Variants in CREB3L2 observed in about 807,000 individuals in gnomAD.
CREB3L2 encodes the protein cAMP responsive element binding protein 3 like 2, also known as cyclic AMP-responsive element-binding protein 3-like protein 2.
CREB3L2 carries 23 observed loss-of-function variants against 57.2 expected under a neutral mutation model. The ratio of observed to expected loss-of-function variants is 0.40; its 90% CI spans 0.29 to 0.57. The LOEUF (loss-of-function observed/expected upper bound fraction) is 0.57, where lower values mean the gene tolerates loss of function less well. Among genes scored for constraint, CREB3L2 ranks in the 20% least tolerant of loss-of-function variants. The pLI, the probability that CREB3L2 is intolerant of heterozygous loss-of-function variation, is 0.42. For missense variants in CREB3L2, 628 were observed against 634.7 expected (o/e 0.99, Z 0.11); for synonymous variants, 268 against 265.1 (o/e 1.01, Z -0.11).
In CREB3L2 at chr7:137,909,153, G is replaced by A. The variant is rs558966277; in HGVS notation, c.584-717C>T. Among the ~76,000 whole-genome samples the A allele has an allele frequency of 3.3e-5, 5 of 152,336 alleles. No homozygotes were observed. In the South Asian group the frequency reaches 6.2e-4, roughly 19 times the overall value. On this transcript the variant is annotated intron_variant, in intron 4 of 11. Coordinates refer to ENST00000330387, the MANE Select transcript of CREB3L2 (RefSeq NM_194071.4). ...AGCCGGTTTGTTTCTGGAGCAATGT[G>A]CGTGGTCATGCCCGCAGGCAAGACG...
intron 1 of CREB3L2, among the ~76,000 whole-genome samples, chr7:137,931,295 G>A (rs941351008): frequency 2.0e-5 from 3 of 151,958 alleles, no homozygotes; most frequent in African/African-American, 7.3e-5. Flanking sequence ...GGCTGAGATG[G>A]GCGGATCATG....
chr7:137,941,651 A>C (rs980684657), intron 1 of CREB3L2, among the ~76,000 whole-genome samples: 17 of 152,198 alleles, frequency 1.1e-4, no homozygotes, highest in Non-Finnish European at 2.2e-4. Context: ...CATTCCAATC[A>C]CATTTCTAGA....
At chr7:137,949,446 A>G (rs1468192769) in intron 1 of CREB3L2, among the ~76,000 whole-genome samples, 3 of 152,238 alleles carry the variant, frequency 2.0e-5, no homozygotes, top group Non-Finnish European at 2.9e-5. Flanking sequence ...TTGTTTCTCC[A>G]GTAATTCAAA....
intron 7 of CREB3L2, 79 bp from the exon 8 acceptor site, chr7:137,901,501 G>T: frequency 1.1e-6 from 1 of 884,576 alleles, no homozygotes. Context: ...AGGTAGGTGG[G>T]GATGAGGAAA....
chr7:137,921,288 T>C (rs767487685), intron 2 of CREB3L2, among the ~76,000 whole-genome samples: 1 of 152,226 alleles, frequency 6.6e-6, no homozygotes, highest in African/African-American at 2.4e-5. Flanking sequence ...AACCCCCATA[T>C]CAGCTGATTT....
intron 1 of CREB3L2, among the ~76,000 whole-genome samples, chr7:137,938,024 A>T (rs1379644388): frequency 6.6e-6 from 1 of 152,166 alleles, no homozygotes; most frequent in Admixed American, 6.6e-5. Flanking sequence ...CCCTGGGAGA[A>T]GGAGGAATAA....
At chr7:137,934,124 T>C (rs1436932387) in intron 1 of CREB3L2, among the ~76,000 whole-genome samples, 1 of 152,242 alleles carries the variant, frequency 6.6e-6, no homozygotes, top group African/African-American at 2.4e-5. Context: ...GTTTACAAAA[T>C]AATTTCATAA....
intron 2 of CREB3L2, among the ~76,000 whole-genome samples, chr7:137,917,964 A>T (rs192412169): frequency 6.6e-6 from 1 of 151,988 alleles, no homozygotes; most frequent in Non-Finnish European, 1.5e-5. Flanking sequence ...CGGCCAGAGG[A>T]GGGAGACCAC....
In CREB3L2 at chr7:137,916,029, A is replaced by G. The variant is rs1216080131; in HGVS notation, c.320-17T>C. 6.2e-7 allele frequency: 1 copy of G among 1,607,674 alleles called. No homozygotes were observed. The highest frequency in any genetic ancestry group is 1.1e-5 in the South Asian group (1 of 90,000). On this transcript the variant is annotated splice_polypyrimidine_tract_variant and intron_variant, in intron 2 of 11. Transcript: ENST00000330387. ...CCACCTCATCTGCAGGAAAAAAGAC[A>G]AGCACACATGTGAACTTGTTCAGGG...
At chr7:137,928,000 C>T (rs1800514456) in intron 2 of CREB3L2, 150 bp downstream of exon 2, 6 of 712,462 alleles carry the variant, frequency 8.4e-6, no homozygotes, top group Non-Finnish European at 1.2e-5. Context: ...TTTGCTTTTC[C>T]CCACAGCCCA....
At chr7:137,940,341 C>A (rs1800861372) in intron 1 of CREB3L2, among the ~76,000 whole-genome samples, 1 of 152,202 alleles carries the variant, frequency 6.6e-6, no homozygotes, top group Admixed American at 6.5e-5. Flanking sequence ...TTCCTACACT[C>A]TTGCATCCTA....
chr7:137,949,845 T>A (rs1345340169), intron 1 of CREB3L2, among the ~76,000 whole-genome samples: 1 of 152,140 alleles, frequency 6.6e-6, no homozygotes, highest in Admixed American at 6.5e-5. Context: ...TTATTGAGAG[T>A]GATCAACTCC....
chr7:137,933,165 G>T (rs919689472), intron 1 of CREB3L2, among the ~76,000 whole-genome samples: 1 of 152,238 alleles, frequency 6.6e-6, no homozygotes, highest in Admixed American at 6.5e-5. Context: ...GTTTGACAGA[G>T]ATCCTTTGAA....
rs565137814 is a variant in CREB3L2 at position 137,878,767 on chromosome 7, G to C, written c.*1709C>G. 1 of 245,726 alleles carries C rather than the reference G, an allele frequency of 4.1e-6. No homozygotes were observed. Among genetic ancestry groups the C allele is most frequent in the South Asian group, 1.4e-4 (1 of 7,254 alleles). The allele number at this position is 245,726 out of a possible 1,614,324, so 15.2% of individuals were successfully genotyped here. On this transcript the variant is annotated 3_prime_UTR_variant, in exon 12 of 12. Transcript: ENST00000330387. ...TCACAGGGAGCCCCAAATGGGCCTA[G>C]ACAGACAAGGCAGGGACCGACTTAT...
At chr7:137,887,261 A>G (rs1485939583) in intron 8 of CREB3L2, among the ~76,000 whole-genome samples, 1 of 152,206 alleles carries the variant, frequency 6.6e-6, no homozygotes, top group Non-Finnish European at 1.5e-5. Flanking sequence ...CTTCACCCCC[A>G]GCTAGTACCA....
At position 137,985,679 on chromosome 7, in the gene CREB3L2, C is replaced by T. The variant is rs115141311; in HGVS notation, c.102+15925G>A. Among the ~76,000 whole-genome samples, 18 of 152,222 alleles carry T rather than the reference C, an allele frequency of 1.2e-4. No individual in the cohort carries two copies. The South Asian group carries it at 3.3e-3, about 28-fold the overall frequency. ...GAAATGACAGGGACATGGAACAAGC[C>T]GTCCCCTTCTTGTCTTCCCTCTTGT... On this transcript the variant is annotated intron_variant, in intron 1 of 11. Transcript: ENST00000330387.
Position 137,999,379 on chromosome 7 carries a change from T to TACACACACACACACACAC in CREB3L2, c.102+2207_102+2224dup, listed in dbSNP as rs60762009. Among the ~76,000 whole-genome samples, 46 of 142,422 alleles carry TACACACACACACACACAC rather than the reference T, an allele frequency of 3.2e-4. 1 individual carries two copies. Among genetic ancestry groups the TACACACACACACACACAC allele is most frequent in the Admixed American group, 9.2e-4 (13 of 14,180 alleles). 93.4% of individuals were successfully genotyped at this position (142,422 alleles called of 152,430 possible). ...ATAATGTTTATTGTTTATGTTCCCC[T>TACACACACACACACACAC]ACACACACACACACACACACACACA... On this transcript the variant is annotated intron_variant, in intron 1 of 11. Coordinates refer to ENST00000330387, the MANE Select transcript of CREB3L2 (RefSeq NM_194071.4).
At chr7:137,960,209 G>T (rs9691292) in intron 1 of CREB3L2, among the ~76,000 whole-genome samples, 16,202 of 152,188 alleles carry the variant, frequency 0.11, 1,112 homozygotes, top group Admixed American at 0.24. Flanking sequence ...AGAACATGTG[G>T]TTTGCATGTG....
intron 2 of CREB3L2, among the ~76,000 whole-genome samples, chr7:137,926,754 AAAG>A (rs2051590285): frequency 1.3e-5 from 2 of 152,234 alleles, no homozygotes; most frequent in Admixed American, 6.5e-5. Flanking sequence ...ATCCTCCTGT[AAAG>A]AAGAAGGCAT....
Sources: gnomAD v4.1 joint callset for allele counts (sites outside exome capture counted in the v4.1 genomes callset) on GRCh38, gnomAD v4.1.1 for gene constraint, MANE v1.5 for transcripts, NCBI Gene and HGNC (gene_info 2026-07-23, HGNC 2026-07-21) for gene names.